XKR6: variants seen among roughly 807,000 people sequenced by gnomAD.
XKR6 encodes the protein XK-related protein 6.
XKR6 carries 22 observed loss-of-function variants against 56.7 expected under a neutral mutation model. That is an observed-to-expected ratio of 0.39 (90% CI 0.28 to 0.55). XKR6 has a LOEUF of 0.55. Among genes scored for constraint, XKR6 ranks in the 20% least tolerant of loss-of-function variants. The pLI is 0.66. For synonymous variants in XKR6, 524 were observed against 387.8 expected (o/e 1.35, Z -4.13); for missense variants, 852 against 889.0 (o/e 0.96, Z 0.53).
intron 2 of XKR6, among the ~76,000 whole-genome samples, chr8:10,924,302 A>C (rs74958312): frequency 0.014 from 2,189 of 152,314 alleles, 56 homozygotes; most frequent in African/African-American, 0.048. Flanking sequence ...AGATGTGCAA[A>C]TGCCTGGCTC....
intron 1 of XKR6, among the ~76,000 whole-genome samples, chr8:10,981,983 AG>A (rs1164918544): frequency 6.6e-6 from 1 of 152,258 alleles, no homozygotes; most frequent in Non-Finnish European, 1.5e-5. Context: ...ATATAAAACA[AG>A]GCTCATGCCA....
intron 1 of XKR6, among the ~76,000 whole-genome samples, chr8:11,015,646 G>A (rs1162475917): frequency 6.6e-6 from 1 of 152,162 alleles, no homozygotes; most frequent in African/African-American, 2.4e-5. Flanking sequence ...GGCTGCGTTC[G>A]GGACCCAGCG....
At chr8:11,193,408 C>A (rs955099576) in intron 1 of XKR6, among the ~76,000 whole-genome samples, 9 of 151,234 alleles carry the variant, frequency 6.0e-5, no homozygotes, top group African/African-American at 2.0e-4. Flanking sequence ...TAAAATAATA[C>A]AATATACCAA....
intron 1 of XKR6, among the ~76,000 whole-genome samples, chr8:10,938,731 T>C (rs1014909584): frequency 6.6e-6 from 1 of 152,146 alleles, no homozygotes; most frequent in Non-Finnish European, 1.5e-5. Flanking sequence ...GGGAGAGTGT[T>C]CTGGGGTGGT....
chr8:11,131,586 G>A (rs906374015), intron 1 of XKR6, among the ~76,000 whole-genome samples: 3 of 152,070 alleles, frequency 2.0e-5, no homozygotes, highest in Admixed American at 6.6e-5. Flanking sequence ...TTTCATCCTT[G>A]CCATTAGCCG....
At chr8:11,160,011 C>T (rs1185548608) in intron 1 of XKR6, among the ~76,000 whole-genome samples, 1 of 152,118 alleles carries the variant, frequency 6.6e-6, no homozygotes, top group East Asian at 1.9e-4. Flanking sequence ...CCTATAGGAG[C>T]TGCTGATATG....
intron 1 of XKR6, among the ~76,000 whole-genome samples, chr8:11,081,928 G>A (rs537683827): frequency 3.3e-5 from 5 of 152,170 alleles, no homozygotes; most frequent in African/African-American, 9.7e-5. Flanking sequence ...CAACCAGCCC[G>A]ACAGGCAGTG....
At chr8:10,996,283 C>T (rs192567999) in intron 1 of XKR6, among the ~76,000 whole-genome samples, 53 of 152,168 alleles carry the variant, frequency 3.5e-4, no homozygotes, top group Non-Finnish European at 4.6e-4. Context: ...CCCTCAGCTG[C>T]ATGTGAGCTG....
chr8:10,991,235 G>C (rs1797986163), intron 1 of XKR6, among the ~76,000 whole-genome samples: 1 of 152,090 alleles, frequency 6.6e-6, no homozygotes, highest in African/African-American at 2.4e-5. Context: ...ATCCGCAGTA[G>C]GTGAGAGTAG....
At chr8:11,049,410 G>A (rs1055018654) in intron 1 of XKR6, among the ~76,000 whole-genome samples, 8 of 152,196 alleles carry the variant, frequency 5.3e-5, no homozygotes, top group Non-Finnish European at 1.2e-4. Context: ...GATGCCTGAT[G>A]GAACACAGCC....
intron 1 of XKR6, among the ~76,000 whole-genome samples, chr8:11,126,571 C>T (rs1349519607): frequency 6.6e-6 from 1 of 152,068 alleles, no homozygotes; most frequent in Non-Finnish European, 1.5e-5. Flanking sequence ...CAACGCAGGG[C>T]CATGTCACTT....
chr8:10,909,984 G>T (rs1303190759), intron 2 of XKR6, among the ~76,000 whole-genome samples: 1 of 151,684 alleles, frequency 6.6e-6, no homozygotes, highest in Admixed American at 6.6e-5. Context: ...ATCTCGGGGG[G>T]CTGGGGGGAC....
At chr8:10,990,537 T>C (rs1174853296) in intron 1 of XKR6, among the ~76,000 whole-genome samples, 3 of 152,228 alleles carry the variant, frequency 2.0e-5, no homozygotes, top group Non-Finnish European at 4.4e-5. Flanking sequence ...CAACACACTG[T>C]GGCTGGAAGA....
Position 10,951,619 on chromosome 8 carries a change from G to A in XKR6, c.765-26789C>T, listed in dbSNP as rs533710918. Among the ~76,000 whole-genome samples the A allele has an allele frequency of 1.1e-3, 175 of 152,332 alleles. 2 individuals carry two copies. The highest frequency in any genetic ancestry group is 1.0e-3 in the South Asian group (5 of 4,824). On this transcript the variant is annotated intron_variant, in intron 1 of 2. Transcript: ENST00000416569. ...TCTTCACCTGCAGAATGGGAAGGCT[G>A]GTCCATGACCTAACGGCCCATCATT...
chr8:11,066,244 G>A (rs1054901881), intron 1 of XKR6, among the ~76,000 whole-genome samples: 1 of 152,200 alleles, frequency 6.6e-6, no homozygotes, highest in East Asian at 1.9e-4. Context: ...CCTCTCTCCT[G>A]TCAAACTGAT....
chr8:11,034,410 T>C (rs1287585867), intron 1 of XKR6, among the ~76,000 whole-genome samples: 1 of 152,144 alleles, frequency 6.6e-6, no homozygotes, highest in Non-Finnish European at 1.5e-5. Context: ...AGGACATTTA[T>C]GGGGAAGGGG....
intron 1 of XKR6, among the ~76,000 whole-genome samples, chr8:11,115,629 G>A (rs527625653): frequency 2.7e-5 from 3 of 109,760 alleles, no homozygotes; most frequent in South Asian, 5.1e-4. Context: ...GTGGGAATAT[G>A]ATACGTTACC....
At chr8:11,185,333 G>A (rs906501274) in intron 1 of XKR6, among the ~76,000 whole-genome samples, 1 of 152,090 alleles carries the variant, frequency 6.6e-6, no homozygotes, top group Non-Finnish European at 1.5e-5. Context: ...TTAAAAGTTT[G>A]GTGGTGTTTT....
intron 1 of XKR6, among the ~76,000 whole-genome samples, chr8:10,945,441 G>A (rs1416435129): frequency 3.9e-5 from 6 of 152,092 alleles, no homozygotes; most frequent in Admixed American, 2.6e-4. Context: ...CCGAGATGGC[G>A]CCACTGCACT....
Sources: gnomAD v4.1 joint callset for allele counts (sites outside exome capture counted in the v4.1 genomes callset) on GRCh38, gnomAD v4.1.1 for gene constraint, MANE v1.5 for transcripts, NCBI Gene and HGNC (gene_info 2026-07-23, HGNC 2026-07-21) for gene names.